The following DIAPH3 variants were observed in gnomAD, a reference collection of about 807,000 sequenced individuals.
DIAPH3 encodes the protein protein diaphanous homolog 3.
Under a neutral mutation model 144.3 loss-of-function variants are expected in DIAPH3, and 117 were observed. The ratio of observed to expected loss-of-function variants is 0.81; its 90% CI spans 0.70 to 0.95. The LOEUF (loss-of-function observed/expected upper bound fraction) is 0.95, where lower values mean the gene tolerates loss of function less well. Among genes scored for constraint, DIAPH3 ranks in the 40% least tolerant of loss-of-function variants. The pLI, the probability that DIAPH3 is intolerant of heterozygous loss-of-function variation, is 0.00. For missense variants in DIAPH3, 1,421 were observed against 1,412.7 expected, an observed-to-expected ratio of 1.01 and a Z score of -0.09; for synonymous variants, 519 against 488.9, an observed-to-expected ratio of 1.06 and a Z score of -0.81.
At chr13:59,668,060 T>C (rs1436273862) in intron 27 of DIAPH3, among the ~76,000 whole-genome samples, 1 of 152,256 alleles carries the variant, frequency 6.6e-6, no homozygotes, top group East Asian at 1.9e-4. Flanking sequence ...TTTTAGCTGC[T>C]GGAAGAAAAT....
At chr13:59,934,600 G>A (rs934890811) in intron 17 of DIAPH3, among the ~76,000 whole-genome samples, 10 of 152,146 alleles carry the variant, frequency 6.6e-5, no homozygotes, top group Admixed American at 6.6e-5. Context: ...GATTCTAAGA[G>A]GCTGATAAAG....
intron 4 of DIAPH3, among the ~76,000 whole-genome samples, chr13:60,083,766 C>T (rs1185194522): frequency 6.6e-6 from 1 of 151,944 alleles, no homozygotes; most frequent in Non-Finnish European, 1.5e-5. Flanking sequence ...AGACCAAGCA[C>T]GGTGGTGCAT....
intron 27 of DIAPH3, among the ~76,000 whole-genome samples, chr13:59,730,142 T>C (rs2035825209): frequency 6.6e-6 from 1 of 152,152 alleles, no homozygotes; most frequent in East Asian, 1.9e-4. Context: ...AAATGTAGAT[T>C]TGTGATTTTT....
At chr13:60,014,796 A>G (rs1228394095) in intron 7 of DIAPH3, among the ~76,000 whole-genome samples, 1 of 152,176 alleles carries the variant, frequency 6.6e-6, no homozygotes, top group Admixed American at 6.5e-5. Context: ...AACACCTATC[A>G]TCACTTCACA....
chr13:59,704,658 AC>A (rs1303068777), intron 27 of DIAPH3, among the ~76,000 whole-genome samples: 1 of 152,124 alleles, frequency 6.6e-6, no homozygotes, highest in African/African-American at 2.4e-5. Context: ...ACAAATACTT[AC>A]CATTGTGTTA....
chr13:59,883,147 T>C (rs373238289), intron 20 of DIAPH3, among the ~76,000 whole-genome samples: 3 of 152,282 alleles, frequency 2.0e-5, no homozygotes, highest in African/African-American at 7.2e-5. Flanking sequence ...ACAGGAGCCA[T>C]AGCAGCTGCC....
At chr13:59,835,267 G>A (rs1346888384) in intron 23 of DIAPH3, among the ~76,000 whole-genome samples, 1 of 151,708 alleles carries the variant, frequency 6.6e-6, no homozygotes, top group Non-Finnish European at 1.5e-5. Flanking sequence ...TAGCTAACAA[G>A]TCAGGCAAAG....
chr13:60,032,563 T>C (rs1260384352), intron 5 of DIAPH3, among the ~76,000 whole-genome samples: 2 of 152,218 alleles, frequency 1.3e-5, no homozygotes, highest in Admixed American at 1.3e-4. Flanking sequence ...AGGGCCACTT[T>C]GAGCTAAAGC....
chr13:59,903,826 T>C (rs2046583598), intron 20 of DIAPH3, among the ~76,000 whole-genome samples: 2 of 152,254 alleles, frequency 1.3e-5, no homozygotes, highest in Non-Finnish European at 2.9e-5. Context: ...CTTTATTTCA[T>C]ACATTCACTT....
At chr13:60,046,983 G>C (rs560186403) in intron 4 of DIAPH3, among the ~76,000 whole-genome samples, 2 of 152,158 alleles carry the variant, frequency 1.3e-5, no homozygotes, top group South Asian at 4.1e-4. Flanking sequence ...GGGGGGTTGG[G>C]GGGCTAAGAG....
At chr13:59,846,939 G>A (rs1034606541) in intron 22 of DIAPH3, among the ~76,000 whole-genome samples, 12 of 152,046 alleles carry the variant, frequency 7.9e-5, no homozygotes, top group African/African-American at 2.9e-4. Flanking sequence ...ATTAGCCAGG[G>A]GTAGTGGTGC....
At chr13:59,803,849 T>C (rs970033723) in intron 25 of DIAPH3, among the ~76,000 whole-genome samples, 9 of 152,200 alleles carry the variant, frequency 5.9e-5, no homozygotes, top group Middle Eastern at 3.4e-3. Flanking sequence ...CTTGGAAAAA[T>C]TTCCCACCAG....
chr13:59,804,495 T>C (rs902768672), intron 25 of DIAPH3, among the ~76,000 whole-genome samples: 4 of 152,134 alleles, frequency 2.6e-5, no homozygotes, highest in Non-Finnish European at 5.9e-5. Context: ...TATAAAATAG[T>C]CTCATGAGTT....
At chr13:60,036,353 T>G (rs192149519) in intron 5 of DIAPH3, among the ~76,000 whole-genome samples, 14 of 151,840 alleles carry the variant, frequency 9.2e-5, no homozygotes. Context: ...AAATGGCCTA[T>G]ATATATATAT....
chr13:60,134,090 C>A (rs371895050), intron 1 of DIAPH3, among the ~76,000 whole-genome samples: 1 of 152,162 alleles, frequency 6.6e-6, no homozygotes, highest in Non-Finnish European at 1.5e-5. Context: ...TCTCTTCTCC[C>A]TTTCTTTCAC....
chr13:60,034,679 G>C (rs1003712537), intron 5 of DIAPH3: 2 of 152,188 alleles, frequency 1.3e-5, no homozygotes, highest in African/African-American at 4.8e-5. Flanking sequence ...GTGTACCACA[G>C]CCCAGAATTC....
chr13:59,824,490 T>TA (rs1426691448), intron 24 of DIAPH3, among the ~76,000 whole-genome samples: 1 of 152,130 alleles, frequency 6.6e-6, no homozygotes, highest in African/African-American at 2.4e-5. Flanking sequence ...AACATCACTA[T>TA]TAATAACAAA....
At chr13:59,973,868 T>C (rs1465672575) in intron 15 of DIAPH3, among the ~76,000 whole-genome samples, 1 of 152,132 alleles carries the variant, frequency 6.6e-6, no homozygotes, top group Non-Finnish European at 1.5e-5. Flanking sequence ...TGCTTCATAA[T>C]CCAGATTTAC....
At chr13:59,806,590 T>C (rs1219221300) in intron 25 of DIAPH3, among the ~76,000 whole-genome samples, 1 of 151,932 alleles carries the variant, frequency 6.6e-6, no homozygotes, top group African/African-American at 2.4e-5. Context: ...TCCTATCTTA[T>C]TTTAGTTCCT....
Sources: gnomAD v4.1 joint callset for allele counts (sites outside exome capture counted in the v4.1 genomes callset) on GRCh38, gnomAD v4.1.1 for gene constraint, MANE v1.5 for transcripts, NCBI Gene and HGNC (gene_info 2026-07-23, HGNC 2026-07-21) for gene names.